MUSK: variants seen among roughly 807,000 people sequenced by gnomAD.
The protein encoded by MUSK is muscle associated receptor tyrosine kinase.
In MUSK, 55 loss-of-function variants were observed where a neutral mutation model predicts 88.7. The observed-to-expected ratio is 0.62, with a 90% CI of 0.50 to 0.78. MUSK has a LOEUF of 0.78. Among genes scored for constraint, MUSK ranks in the 30% least tolerant of loss-of-function variants. MUSK has a pLI of 0.00. For missense variants in MUSK, 1,015 were observed against 1,074.3 expected (o/e 0.94, Z 0.77); for synonymous variants, 387 against 391.9 (o/e 0.99, Z 0.15).
intron 6 of MUSK, among the ~76,000 whole-genome samples, chr9:110,743,599 G>A (rs2846446): frequency 0.18 from 27,763 of 152,072 alleles, 2,659 homozygotes; most frequent in East Asian, 0.31. Flanking sequence ...ATTTTAACTT[G>A]TTAGAAGAAT....
At position 110,801,049 on chromosome 9, in the gene MUSK, T is replaced by C; in HGVS notation, c.*61T>C. On this transcript the variant is annotated 3_prime_UTR_variant, in exon 15 of 15. Coordinates refer to ENST00000374448, the MANE Select transcript of MUSK (RefSeq NM_005592.4). ...TCTCAGACTCTGTGAGCCAGGGGAA[T>C]CCTACACCAGAGGCCCAACAAGACC... The C allele has an allele frequency of 7.2e-7, 1 of 1,396,372 alleles. No homozygotes were observed. Among genetic ancestry groups the C allele is most frequent in the South Asian group, 1.6e-5 (1 of 61,994 alleles). The allele number at this position is 1,396,372 out of a possible 1,614,324, so 86.5% of individuals were successfully genotyped here.
intron 6 of MUSK, among the ~76,000 whole-genome samples, chr9:110,735,523 G>C (rs2077020257): frequency 6.6e-6 from 1 of 152,110 alleles, no homozygotes; most frequent in Admixed American, 6.6e-5. Flanking sequence ...TGGAGATAGA[G>C]AGTAGAATGA....
At chr9:110,692,106 T>C (rs2076364594) in intron 3 of MUSK, among the ~76,000 whole-genome samples, 1 of 152,092 alleles carries the variant, frequency 6.6e-6, no homozygotes, top group Admixed American at 6.6e-5. Flanking sequence ...GAATTATTGC[T>C]ACTCAGTTTT....
chr9:110,697,356 G>A lies in MUSK; in HGVS notation c.518G>A (p.Gly173Glu). The A allele has an allele frequency of 6.2e-7, 1 of 1,612,452 alleles. No homozygotes were observed. Among genetic ancestry groups the A allele is most frequent in the Non-Finnish European group, 8.5e-7 (1 of 1,179,046 alleles). The change falls in exon 5 of 15, where the codon GGG (glycine) becomes GAG (glutamate). Residue 173 changes from glycine to glutamate, a missense_variant. Physicochemically the swap from Gly to Glu is moderately conservative, Grantham distance 98. Transcript: ENST00000374448. ...TCCCGAATTGCAGTTCTTGAATCTG[G>A]GAGCTTGAGGATTCATAACGTACAA... ...ENSRIAVLES[G>E]SLRIHNVQKE...
intron 7 of MUSK, among the ~76,000 whole-genome samples, chr9:110,755,953 C>CGTATATAT (rs1479320910): frequency 1.4e-5 from 1 of 70,682 alleles, no homozygotes; most frequent in Non-Finnish European, 2.8e-5. Flanking sequence ...TATATATACA[C>CGTATATAT]ATATATATAT....
At chr9:110,753,252 G>C (rs772151147) in intron 7 of MUSK, among the ~76,000 whole-genome samples, 3 of 152,048 alleles carry the variant, frequency 2.0e-5, no homozygotes, top group Non-Finnish European at 2.9e-5. Context: ...GCAACATGGT[G>C]AAACTCCATC....
At position 110,767,915 on chromosome 9, in the gene MUSK, C is replaced by T; in HGVS notation, c.1016C>T (p.Thr339Ile). 1 of 1,613,980 alleles carries T rather than the reference C, an allele frequency of 6.2e-7. No homozygotes were observed. The stretch of plus-strand genomic sequence containing the variant: ...AAAGATGCTCTTGTTTTTCTCAACA[C>T]CTCCTATGCGGACCCTGAGGAGGCC... ...LAKDALVFLN[T>I]SYADPEEAQE... The change falls in exon 9 of 15, where the codon ACC (threonine) becomes ATC (isoleucine). Residue 339 changes from threonine to isoleucine, a missense_variant. Physicochemically the swap from Thr to Ile is moderately conservative, Grantham distance 89. Transcript: ENST00000374448.
chr9:110,686,459 G>A (rs1246635172), intron 2 of MUSK, among the ~76,000 whole-genome samples: 1 of 151,960 alleles, frequency 6.6e-6, no homozygotes, highest in African/African-American at 2.4e-5. Flanking sequence ...ACTCTTATTT[G>A]GTTAAAAGAA....
chr9:110,671,137 A>G (rs575794045), intron 1 of MUSK, among the ~76,000 whole-genome samples: 9 of 152,212 alleles, frequency 5.9e-5, no homozygotes, highest in African/African-American at 2.2e-4. Flanking sequence ...ACACTCGGCT[A>G]ATTTTTATAT....
At chr9:110,689,926 TATA>T (rs2076291516) in intron 3 of MUSK, among the ~76,000 whole-genome samples, 1 of 96,592 alleles carries the variant, frequency 1.0e-5, no homozygotes, top group South Asian at 3.6e-4. Context: ...CATATTTAAA[TATA>T]ATATATAAAT....
At chr9:110,770,878 C>T (rs1238209043) in intron 9 of MUSK, among the ~76,000 whole-genome samples, 1 of 151,726 alleles carries the variant, frequency 6.6e-6, no homozygotes, top group Non-Finnish European at 1.5e-5. Flanking sequence ...AATTAATTCC[C>T]TTGTTCCTTA....
intron 1 of MUSK, among the ~76,000 whole-genome samples, chr9:110,673,188 T>G (rs536626861): frequency 1.2e-4 from 19 of 152,308 alleles, no homozygotes; most frequent in Middle Eastern, 3.4e-3. Context: ...GTGTAGAAAC[T>G]GATATTGATG....
At chr9:110,718,057 A>C (rs2076767033) in intron 5 of MUSK, among the ~76,000 whole-genome samples, 1 of 152,138 alleles carries the variant, frequency 6.6e-6, no homozygotes, top group Non-Finnish European at 1.5e-5. Flanking sequence ...CCACTTCTGC[A>C]GTCATCTGAA....
chr9:110,693,569 T>C (rs751480426), intron 3 of MUSK, among the ~76,000 whole-genome samples: 2 of 152,222 alleles, frequency 1.3e-5, no homozygotes, highest in Non-Finnish European at 2.9e-5. Flanking sequence ...TCAGTACTTA[T>C]GACTCCACCC....
In MUSK at chr9:110,784,725, T is replaced by C. The variant is rs572195; in HGVS notation, c.1385-90T>C. ...AACCTGATACATAAATATATTATTA[T>C]CATGAAATTTATTTTACTGATTGCT... On this transcript the variant is annotated intron_variant, in intron 11 of 14. Transcript: ENST00000374448. 34,451 of 973,686 alleles carry C rather than the reference T, an allele frequency of 0.035. 1,089 individuals carry two copies. Among genetic ancestry groups the C allele is most frequent in the South Asian group, 0.13 (6,869 of 54,922 alleles). The allele number at this position is 973,686 out of a possible 1,614,324, so 60.3% of individuals were successfully genotyped here. A position where few individuals can be genotyped will look rare whatever the true frequency, so the allele number is the denominator to read the frequency against.
intron 5 of MUSK, among the ~76,000 whole-genome samples, chr9:110,707,295 T>G (rs1353534103): frequency 1.3e-5 from 2 of 152,210 alleles, no homozygotes; most frequent in African/African-American, 4.8e-5. Context: ...GGTGTCTTTG[T>G]TATAAGATTT....
chr9:110,755,979 C>CATAT (rs61338385), intron 7 of MUSK, among the ~76,000 whole-genome samples: 50 of 102,516 alleles, frequency 4.9e-4, no homozygotes, highest in African/African-American at 1.0e-3. Flanking sequence ...TATATATATA[C>CATAT]ATATATATAT....
At chr9:110,687,497 G>T (rs780852834) in intron 3 of MUSK, among the ~76,000 whole-genome samples, 4 of 151,908 alleles carry the variant, frequency 2.6e-5, no homozygotes, top group Non-Finnish European at 5.9e-5. Context: ...ACCAAGCTCA[G>T]CTAATTTTTC....
Position 110,801,058 on chromosome 9 carries a change from A to G in MUSK, c.*70A>G, listed in dbSNP as rs1218019906. 5 of 1,347,156 alleles carry G rather than the reference A, an allele frequency of 3.7e-6. No homozygotes were observed. The highest frequency in any genetic ancestry group is 3.9e-6 in the Non-Finnish European group (4 of 1,019,312). The allele number at this position is 1,347,156 out of a possible 1,614,324, so 83.5% of individuals were successfully genotyped here. ...CTGTGAGCCAGGGGAATCCTACACC[A>G]GAGGCCCAACAAGACCCACATAGGA... is the stretch of plus-strand genomic sequence containing the variant. On this transcript the variant is annotated 3_prime_UTR_variant, in exon 15 of 15. Coordinates refer to ENST00000374448, the MANE Select transcript of MUSK (RefSeq NM_005592.4).
Sources: allele counts gnomAD v4.1 joint callset (sites outside exome capture counted in the v4.1 genomes callset), GRCh38; gene constraint gnomAD v4.1.1; transcripts MANE v1.5; gene names NCBI Gene and HGNC (gene_info 2026-07-23, HGNC 2026-07-21).